Variants in ITPR1 observed in about 807,000 individuals in gnomAD.
The protein encoded by ITPR1 is inositol 1,4,5-trisphosphate receptor type 1.
In ITPR1, 96 loss-of-function variants were observed where a neutral mutation model predicts 318.4. The observed-to-expected ratio is 0.30, with a 90% CI of 0.26 to 0.36. The LOEUF (loss-of-function observed/expected upper bound fraction) is 0.36. Among genes scored for constraint, ITPR1 ranks in the 10% least tolerant of loss-of-function variants. The probability of loss-of-function intolerance (pLI) is 1.00; values close to 1 mark genes in which losing one functional copy is unlikely to be tolerated. For missense variants in ITPR1, 2,440 were observed against 3,460.2 expected (o/e 0.71, Z 7.40); for synonymous variants, 1,312 against 1,289.9 (o/e 1.02, Z -0.37).
At chr3:4,645,973 T>C in intron 10 of ITPR1, 1 of 444,404 alleles carries the variant, frequency 2.3e-6, no homozygotes. Context: ...AGTAAGTGCA[T>C]CATGGCATAT....
intron 4 of ITPR1, among the ~76,000 whole-genome samples, chr3:4,532,616 C>T (rs999804591): frequency 3.1e-4 from 47 of 152,298 alleles, no homozygotes; most frequent in African/African-American, 8.9e-4. Flanking sequence ...ACTGATCCTC[C>T]CACTTTGTCC....
intron 24 of ITPR1, among the ~76,000 whole-genome samples, chr3:4,677,788 G>A (rs753848415): frequency 5.9e-5 from 9 of 152,062 alleles, no homozygotes; most frequent in Non-Finnish European, 1.0e-4. Context: ...TGTATACAGG[G>A]AGAGTTTGTT....
intron 17 of ITPR1, among the ~76,000 whole-genome samples, chr3:4,666,087 G>C (rs1369850390): frequency 6.6e-6 from 1 of 152,120 alleles, no homozygotes; most frequent in Non-Finnish European, 1.5e-5. Context: ...TAGTGCTGAG[G>C]TTTAGAAAAT....
chr3:4,550,878 C>A (rs2085495227), intron 4 of ITPR1, among the ~76,000 whole-genome samples: 1 of 151,208 alleles, frequency 6.6e-6, no homozygotes, highest in Non-Finnish European at 1.5e-5. Flanking sequence ...AGAGGCAGAC[C>A]CTGTCTTTAA....
At chr3:4,787,505 G>A (rs1394887789) in intron 51 of ITPR1, among the ~76,000 whole-genome samples, 3 of 144,268 alleles carry the variant, frequency 2.1e-5, no homozygotes, top group African/African-American at 7.7e-5. Flanking sequence ...GACCAGCCTG[G>A]CCAACATAGT....
chr3:4,689,746 C>A (rs2094451941), intron 31 of ITPR1, among the ~76,000 whole-genome samples: 1 of 152,198 alleles, frequency 6.6e-6, no homozygotes, highest in Non-Finnish European at 1.5e-5. Context: ...ACATGAGAAT[C>A]TTCATGGCTG....
rs561262471 is a variant in ITPR1 at position 4,770,255 on chromosome 3, C to T, written c.5979+1491C>T. On this transcript the variant is annotated intron_variant, in intron 46 of 61. Coordinates refer to ENST00000649015, the MANE Select transcript of ITPR1 (RefSeq NM_001378452.1). ...ATTGTGGCTAGACAGTTGGTACTGCCGCAGTGAATTGCTCTCACTTAAAAC... is the reference window on the plus strand; with the variant it reads ...ATTGTGGCTAGACAGTTGGTACTGCTGCAGTGAATTGCTCTCACTTAAAAC... Among the ~76,000 whole-genome samples, 14 of 152,296 alleles carry T rather than the reference C, an allele frequency of 9.2e-5. No homozygotes were observed. The South Asian group carries it at 2.7e-3, about 29-fold the overall frequency.
chr3:4,529,169 T>A (rs1433800330), intron 4 of ITPR1, among the ~76,000 whole-genome samples: 1 of 152,210 alleles, frequency 6.6e-6, no homozygotes. Context: ...CTTTTTTGCA[T>A]ACCTGAGTCA....
At chr3:4,642,769 A>G (rs894028789) in intron 7 of ITPR1, among the ~76,000 whole-genome samples, 5 of 152,182 alleles carry the variant, frequency 3.3e-5, no homozygotes, top group African/African-American at 1.2e-4. Context: ...AGGGTTCCAC[A>G]GTATATAAAG....
chr3:4,567,885 T>C (rs1248501070), intron 4 of ITPR1, among the ~76,000 whole-genome samples: 1 of 152,158 alleles, frequency 6.6e-6, no homozygotes, highest in Non-Finnish European at 1.5e-5. Context: ...GTTACAGGTG[T>C]GAGCCACCGT....
intron 60 of ITPR1, among the ~76,000 whole-genome samples, chr3:4,831,601 AAC>A (rs1553764975): frequency 4.6e-5 from 7 of 152,188 alleles, no homozygotes; most frequent in Non-Finnish European, 8.8e-5. Flanking sequence ...GATAATTCAC[AAC>A]AGACAAAGCG....
chr3:4,779,714 G>A lies in ITPR1; in HGVS notation c.6387+69G>A. The A allele has an allele frequency of 9.2e-7, 1 of 1,089,440 alleles. No individual in the cohort carries two copies. The highest frequency in any genetic ancestry group is 1.4e-6 in the Non-Finnish European group (1 of 715,894). 67.5% of individuals were successfully genotyped at this position (1,089,440 alleles called of 1,614,324 possible). A position where few individuals can be genotyped will look rare whatever the true frequency, so the allele number is the denominator to read the frequency against. ...CGACGATATTTGGGACAGAGCAGAG[G>A]ATCTGCTTCCTGGAGCTTTCTTGAA... On this transcript the variant is annotated intron_variant, in intron 49 of 61. Coordinates refer to ENST00000649015, the MANE Select transcript of ITPR1 (RefSeq NM_001378452.1). The surrounding 1 kb of genome is among the most constrained non-coding windows in gnomAD (Gnocchi z 4.0).
At chr3:4,723,592 T>C (rs1331949706) in intron 40 of ITPR1, among the ~76,000 whole-genome samples, 1 of 151,864 alleles carries the variant, frequency 6.6e-6, no homozygotes, top group Non-Finnish European at 1.5e-5. Context: ...ATACTACCTA[T>C]TTCTATTCTG....
rs765735809 is a variant in ITPR1, at chr3:4,670,848, G to A, written c.2126G>A (p.Arg709His). 16 of 1,610,934 alleles carry A rather than the reference G, an allele frequency of 9.9e-6. No homozygotes were observed. The highest frequency in any genetic ancestry group is 2.2e-5 in the East Asian group (1 of 44,786). Reference sequence around the variant, plus strand: ...TGGAGGGACAGCAACAAAGAGATTCGCAGCAAGAGTGTGAGGGAATTGGCT... The same window carrying A: ...TGGAGGGACAGCAACAAAGAGATTCACAGCAAGAGTGTGAGGGAATTGGCT... ...LFWRDSNKEI[R>H]SKSVRELAQD... Residue 709 changes from arginine (R) to histidine (H), a missense_variant, in exon 20 of 62, where the codon CGC becomes CAC. Around this residue, in one of 23 missense-constraint regions of ITPR1, gnomAD observed 478 missense variants for 696.3 expected, o/e 0.69. Transcript: ENST00000649015.
At chr3:4,783,681 A>G (rs2046982134) in intron 50 of ITPR1, 135 bp from the exon 51 acceptor site, 1 of 726,114 alleles carries the variant, frequency 1.4e-6, no homozygotes, top group East Asian at 2.7e-5. Context: ...GGATGGAGCA[A>G]GCCTCGTGGC....
At chr3:4,688,763 T>A (rs2094436532) in intron 31 of ITPR1, 143 bp downstream of exon 31, 4 of 798,262 alleles carry the variant, frequency 5.0e-6, no homozygotes, top group Admixed American at 2.8e-5. Flanking sequence ...TTTTCATCAC[T>A]TATCACGAGG....
intron 4 of ITPR1, among the ~76,000 whole-genome samples, chr3:4,612,905 A>G (rs992996219): frequency 6.6e-6 from 1 of 152,216 alleles, no homozygotes; most frequent in Admixed American, 6.5e-5. Flanking sequence ...CAAAAGTAAC[A>G]AAACTGCTGC....
rs772040285 is a variant in ITPR1, at chr3:4,702,863, G to A, written c.4570G>A (p.Gly1524Ser). The A allele has an allele frequency of 8.1e-6, 13 of 1,613,918 alleles. No homozygotes were observed. The South Asian group carries it at 1.4e-4, about 18-fold the overall frequency. The change falls in exon 36 of 62, where the codon GGC becomes AGC. Residue 1524 changes from glycine (G) to serine (S), a missense_variant. By Grantham distance (56) the Gly-to-Ser change is moderately conservative. Coordinates refer to ENST00000649015, the MANE Select transcript of ITPR1 (RefSeq NM_001378452.1). ...RQPVFVQLLQ[G>S]VFRVYHCNWL... ...GCCTGTCTTTGTGCAACTGCTGCAAGGCGTGTTCAGGGTTTACCACTGCAA... is the reference window on the plus strand; with the variant it reads ...GCCTGTCTTTGTGCAACTGCTGCAAAGCGTGTTCAGGGTTTACCACTGCAA...
chr3:4,630,807 C>T (rs189886039), intron 5 of ITPR1, among the ~76,000 whole-genome samples: 92 of 152,076 alleles, frequency 6.0e-4, no homozygotes, highest in African/African-American at 2.0e-3. Flanking sequence ...AGGCTGGTCT[C>T]GAACTCCTGA....
Sources: allele counts gnomAD v4.1 joint callset (sites outside exome capture counted in the v4.1 genomes callset), GRCh38; gene constraint gnomAD v4.1.1; regional missense constraint gnomAD v4.1.1; non-coding constraint Gnocchi (gnomAD v3.1); transcripts MANE v1.5; gene names NCBI Gene and HGNC (gene_info 2026-07-23, HGNC 2026-07-21).